The following MIPEP variants were observed in gnomAD, a reference collection of about 807,000 sequenced individuals.
MIPEP encodes mitochondrial intermediate peptidase.
MIPEP carries 79 observed loss-of-function variants against 90.3 expected under a neutral mutation model. The ratio of observed to expected loss-of-function variants is 0.87; its 90% CI spans 0.73 to 1.05. MIPEP has a LOEUF of 1.05. Among genes scored for constraint, MIPEP ranks in the 50% least tolerant of loss-of-function variants. The pLI, the probability that MIPEP is intolerant of heterozygous loss-of-function variation, is 0.00. For missense variants in MIPEP, 940 were observed against 905.6 expected (o/e 1.04, Z -0.49); for synonymous variants, 334 against 315.8 (o/e 1.06, Z -0.61).
chr13:23,820,216 C>T (rs541482504), intron 14 of MIPEP, among the ~76,000 whole-genome samples: 1 of 152,140 alleles, frequency 6.6e-6, no homozygotes, highest in East Asian at 1.9e-4. Context: ...GTCCAACTCT[C>T]GTGCTTGTGT....
intron 13 of MIPEP, among the ~76,000 whole-genome samples, chr13:23,837,216 T>C (rs954046704): frequency 6.6e-6 from 1 of 152,232 alleles, no homozygotes; most frequent in Admixed American, 6.5e-5. Context: ...CACTTACTTA[T>C]TAACTCTGTG....
intron 14 of MIPEP, among the ~76,000 whole-genome samples, chr13:23,819,935 G>A (rs1249120434): frequency 6.6e-6 from 1 of 151,952 alleles, no homozygotes; most frequent in Non-Finnish European, 1.5e-5. Context: ...CTTGAACCTA[G>A]GAGGCAGAGG....
Position 23,874,894 on chromosome 13 carries a change from C to T in MIPEP, c.555G>A (p.Leu185=), listed in dbSNP as rs768160136. ...LDPETRRVAE[L]FMFDFEISGI... ...CACTAATTTCAAAATCAAACATAAA[C>T]AGTTCAGCCACTCGCCTATAAATGA... is the stretch of plus-strand genomic sequence containing the variant. The change falls in exon 5 of 19, where the codon CTG becomes CTA. Residue 185 remains leucine, a synonymous_variant. Coordinates refer to ENST00000382172, the MANE Select transcript of MIPEP (RefSeq NM_005932.4). 5.2e-5 allele frequency: 83 copies of T among 1,599,976 alleles called. No individual in the cohort carries two copies. In the Admixed American group the frequency reaches 5.8e-4, roughly 11 times the overall value.
At chr13:23,856,233 T>C (rs1412337399) in intron 10 of MIPEP, among the ~76,000 whole-genome samples, 1 of 152,218 alleles carries the variant, frequency 6.6e-6, no homozygotes. Context: ...CCTGGCAAGA[T>C]GTCACAGATG....
At chr13:23,761,835 G>A (rs2138518500) in intron 16 of MIPEP, among the ~76,000 whole-genome samples, 1 of 152,310 alleles carries the variant, frequency 6.6e-6, no homozygotes, top group African/African-American at 2.4e-5. Flanking sequence ...TTAAAAAACA[G>A]AAGCTTGGGC....
intron 16 of MIPEP, among the ~76,000 whole-genome samples, chr13:23,772,881 A>G (rs536045522): frequency 3.9e-5 from 6 of 152,244 alleles, no homozygotes; most frequent in African/African-American, 1.4e-4. Context: ...TCTTTAAAAA[A>G]TTGAGATAAA....
chr13:23,731,785 T>A (rs1952208064), intron 18 of MIPEP, among the ~76,000 whole-genome samples: 2 of 152,094 alleles, frequency 1.3e-5, no homozygotes, highest in East Asian at 3.8e-4. Flanking sequence ...TGTAAAAATA[T>A]GTTTTTTTAA....
At chr13:23,810,513 C>T (rs759792145) in intron 14 of MIPEP, among the ~76,000 whole-genome samples, 1 of 152,184 alleles carries the variant, frequency 6.6e-6, no homozygotes, top group Non-Finnish European at 1.5e-5. Flanking sequence ...AGGCCTAACC[C>T]TATAACATAC....
chr13:23,841,331 T>C lies in MIPEP; in HGVS notation c.1260+4A>G. ...CAACTGCAGGCTGAGCAGGAGGAGC[T>C]CACCAGTTTTCGGACATCTTCGCTC... On this transcript the variant is annotated splice_donor_region_variant and intron_variant, in intron 11 of 18. Transcript: ENST00000382172. 3.1e-6 allele frequency: 5 copies of C among 1,607,946 alleles called. No individual in the cohort carries two copies. The highest frequency in any genetic ancestry group is 4.2e-6 in the Non-Finnish European group (5 of 1,178,172).
At chr13:23,860,600 C>T (rs1870249685) in intron 9 of MIPEP, among the ~76,000 whole-genome samples, 2 of 152,118 alleles carry the variant, frequency 1.3e-5, no homozygotes. Flanking sequence ...CCAGGAGCTA[C>T]TGAATAATTT....
At chr13:23,831,383 C>CGGGGGGGGGGGGGGGGGGG (rs1555237542) in intron 14 of MIPEP, among the ~76,000 whole-genome samples, 1 of 40,906 alleles carries the variant, frequency 2.4e-5, no homozygotes, top group Non-Finnish European at 5.9e-5. Context: ...TTCCCCATGG[C>CGGGGGGGGGGGGGGGGGGG]GGGGGGGGGA....
chr13:23,747,715 T>C (rs1238507959), intron 18 of MIPEP, among the ~76,000 whole-genome samples: 1 of 152,196 alleles, frequency 6.6e-6, no homozygotes, highest in Non-Finnish European at 1.5e-5. Context: ...AATAAAAACC[T>C]GTTCCCATTG....
intron 10 of MIPEP, among the ~76,000 whole-genome samples, chr13:23,843,958 C>G (rs1366947946): frequency 3.3e-5 from 5 of 152,044 alleles, no homozygotes; most frequent in Non-Finnish European, 7.4e-5. Context: ...AGAGGGGAAT[C>G]TGGGTGTGTT....
At chr13:23,864,873 T>C (rs1268329967) in intron 7 of MIPEP, among the ~76,000 whole-genome samples, 1 of 152,120 alleles carries the variant, frequency 6.6e-6, no homozygotes. Flanking sequence ...AAGAGATATC[T>C]AGACTGCTTT....
intron 16 of MIPEP, among the ~76,000 whole-genome samples, chr13:23,766,555 C>T (rs978857499): frequency 2.0e-5 from 3 of 152,170 alleles, no homozygotes; most frequent in Non-Finnish European, 4.4e-5. Context: ...CTTCTATTTG[C>T]CTCACACATC....
In MIPEP at chr13:23,791,728, A is replaced by C. The variant is rs1345641470; in HGVS notation, c.1848+14222T>G. On this transcript the variant is annotated intron_variant, in intron 16 of 18. Transcript: ENST00000382172. Reference sequence around the variant, plus strand: ...GTCAGTCAAGCAAAAAAACAAAAACAACCTCCCTTTATCTGTACATCTCCT... The same window carrying C: ...GTCAGTCAAGCAAAAAAACAAAAACCACCTCCCTTTATCTGTACATCTCCT... Among the ~76,000 whole-genome samples, 3 of 152,104 alleles carry C rather than the reference A, an allele frequency of 2.0e-5. No individual in the cohort carries two copies. In the East Asian group the frequency reaches 5.8e-4, roughly 29 times the overall value.
At chr13:23,833,243 A>T (rs561436194) in intron 14 of MIPEP, among the ~76,000 whole-genome samples, 4 of 152,352 alleles carry the variant, frequency 2.6e-5, no homozygotes, top group African/African-American at 7.2e-5. Flanking sequence ...AGATTTAAAA[A>T]AAATAAATAA....
chr13:23,815,732 CA>C (rs1217616766), intron 14 of MIPEP, among the ~76,000 whole-genome samples: 1 of 151,984 alleles, frequency 6.6e-6, no homozygotes, highest in Non-Finnish European at 1.5e-5. Flanking sequence ...TTAAGGTTTA[CA>C]AAAAAACCCC....
intron 8 of MIPEP, among the ~76,000 whole-genome samples, chr13:23,862,849 C>G (rs1029009607): frequency 6.6e-6 from 1 of 151,950 alleles, no homozygotes; most frequent in Non-Finnish European, 1.5e-5. Context: ...GGAATTAATT[C>G]CTATATATAC....
Sources: gnomAD v4.1 joint callset for allele counts (sites outside exome capture counted in the v4.1 genomes callset) on GRCh38, gnomAD v4.1.1 for gene constraint, MANE v1.5 for transcripts, NCBI Gene and HGNC (gene_info 2026-07-23, HGNC 2026-07-21) for gene names.